PTPRM: variants seen among roughly 807,000 people sequenced by gnomAD.
PTPRM encodes the protein receptor-type tyrosine-protein phosphatase mu.
A neutral mutation model predicts 186.7 loss-of-function variants in PTPRM; 47 were observed. That is an observed-to-expected ratio of 0.25 (90% confidence interval 0.20 to 0.32). PTPRM has a LOEUF of 0.32. Among genes scored for constraint, PTPRM ranks in the 10% least tolerant of loss-of-function variants. The pLI is 1.00. For missense variants in PTPRM, 1,494 were observed against 1,865.0 expected (o/e 0.80, Z 3.66); for synonymous variants, 668 against 674.9 (o/e 0.99, Z 0.16).
intron 14 of PTPRM, among the ~76,000 whole-genome samples, chr18:8,158,905 A>G (rs888857197): frequency 6.6e-6 from 1 of 152,204 alleles, no homozygotes; most frequent in African/African-American, 2.4e-5. Flanking sequence ...TAAACCATTC[A>G]AAAGGGATCC....
At chr18:7,669,504 T>C (rs1190199380) in intron 1 of PTPRM, among the ~76,000 whole-genome samples, 1 of 152,200 alleles carries the variant, frequency 6.6e-6, no homozygotes, top group Non-Finnish European at 1.5e-5. Flanking sequence ...AAGCATGTGC[T>C]TGCCTGGGAG....
chr18:7,866,142 G>A (rs958022442), intron 2 of PTPRM, among the ~76,000 whole-genome samples: 4 of 151,900 alleles, frequency 2.6e-5, no homozygotes, highest in Non-Finnish European at 5.9e-5. Context: ...CCACCTCCTG[G>A]ATTCATTGAT....
chr18:8,212,926 T>G (rs2094027429), intron 14 of PTPRM, among the ~76,000 whole-genome samples: 2 of 152,212 alleles, frequency 1.3e-5, no homozygotes, highest in African/African-American at 4.8e-5. Context: ...ATGAACATTC[T>G]TCCTAGCCAC....
chr18:7,887,591 A>G lies in PTPRM; in HGVS notation c.197-515A>G, dbSNP rs183291270. Among the ~76,000 whole-genome samples the G allele has an allele frequency of 7.2e-5, 11 of 152,256 alleles. No homozygotes were observed. In the East Asian group the frequency reaches 2.1e-3, roughly 30 times the overall value. ...CCAATCTTTTGTCTTTCTCTAGGTTATACAGAGTGATTACTGAGTATTGCT... is the reference window on the plus strand; with the variant it reads ...CCAATCTTTTGTCTTTCTCTAGGTTGTACAGAGTGATTACTGAGTATTGCT... On this transcript the variant is annotated intron_variant, in intron 2 of 32. Coordinates refer to ENST00000580170, the MANE Select transcript of PTPRM (RefSeq NM_001105244.2).
intron 14 of PTPRM, among the ~76,000 whole-genome samples, chr18:8,229,229 G>A (rs1407505822): frequency 6.6e-6 from 1 of 152,144 alleles, no homozygotes; most frequent in Non-Finnish European, 1.5e-5. Flanking sequence ...TGTTAGAACA[G>A]AAGAGGCATA....
rs973789900 is a variant in PTPRM at position 8,313,858 on chromosome 18, A to G, written c.2843-923A>G. 5.3e-5 allele frequency among the ~76,000 whole-genome samples: 8 copies of G among 152,144 alleles called. No homozygotes were observed. The East Asian group carries it at 1.4e-3, about 26-fold the overall frequency. On this transcript the variant is annotated intron_variant, in intron 20 of 32. Transcript: ENST00000580170. ...CATACGAAGCACATCCCTTTTTAAA[A>G]TATGGATTTGGGGCCAGGTGCTGTG...
intron 1 of PTPRM, among the ~76,000 whole-genome samples, chr18:7,736,941 A>T (rs534783363): frequency 1.3e-5 from 2 of 152,186 alleles, no homozygotes; most frequent in Middle Eastern, 3.4e-3. Context: ...TTCCTTCAGG[A>T]TTACAGGCTT....
chr18:8,067,351 G>A (rs2089161166), intron 7 of PTPRM, among the ~76,000 whole-genome samples: 1 of 152,014 alleles, frequency 6.6e-6, no homozygotes, highest in African/African-American at 2.4e-5. Flanking sequence ...TACTAGTCTA[G>A]GGAAAAAAAC....
intron 13 of PTPRM, among the ~76,000 whole-genome samples, chr18:8,136,103 C>CT (rs2146004734): frequency 6.6e-6 from 1 of 152,280 alleles, no homozygotes; most frequent in South Asian, 2.1e-4. Context: ...ATTTTAATGC[C>CT]TTCAAAGTTT....
intron 14 of PTPRM, among the ~76,000 whole-genome samples, chr18:8,208,605 G>T (rs1051560177): frequency 7.3e-5 from 11 of 151,724 alleles, no homozygotes; most frequent in African/African-American, 2.7e-4. Flanking sequence ...TTGAACTCCT[G>T]GGCTCAAGTG....
chr18:7,985,284 CAT>C lies in PTPRM; in HGVS notation c.1132+29872_1132+29873del, dbSNP rs1186998657. Reference sequence around the variant, plus strand: ...ATATATACATATAATAGTATATACACATAAATATATACATATAATAGTATATA... The same window carrying C: ...ATATATACATATAATAGTATATACACAAATATATACATATAATAGTATATA... On this transcript the variant is annotated intron_variant, in intron 7 of 32. Transcript: ENST00000580170. Among the ~76,000 whole-genome samples the C allele has an allele frequency of 7.8e-5, 4 of 50,980 alleles. 2 individuals are homozygous for C. The highest frequency in any genetic ancestry group is 4.1e-4 in the African/African-American group (4 of 9,746). The allele number at this position is 50,980 out of a possible 152,430, so 33.4% of individuals were successfully genotyped here.
intron 1 of PTPRM, among the ~76,000 whole-genome samples, chr18:7,653,285 C>G (rs2038765472): frequency 6.6e-6 from 1 of 151,876 alleles, no homozygotes; most frequent in Admixed American, 6.6e-5. Context: ...TAGCTGGGAC[C>G]ACAGGCATGC....
At chr18:7,952,967 C>A (rs1399626438) in intron 6 of PTPRM, among the ~76,000 whole-genome samples, 2 of 152,204 alleles carry the variant, frequency 1.3e-5, no homozygotes, top group African/African-American at 2.4e-5. Context: ...GATGGTGCCA[C>A]TGCACTGCAG....
chr18:7,615,932 G>C (rs1004011104), intron 1 of PTPRM, among the ~76,000 whole-genome samples: 2 of 152,110 alleles, frequency 1.3e-5, no homozygotes, highest in Admixed American at 6.5e-5. Context: ...GTGCAACCTA[G>C]ATCCCCCGCA....
At chr18:7,616,936 G>A (rs1043815320) in intron 1 of PTPRM, among the ~76,000 whole-genome samples, 4 of 152,164 alleles carry the variant, frequency 2.6e-5, no homozygotes, top group African/African-American at 9.7e-5. Context: ...TGGCTGGGCT[G>A]GGGTGGGTTA....
chr18:7,626,226 C>A (rs1464541458), intron 1 of PTPRM, among the ~76,000 whole-genome samples: 2 of 152,148 alleles, frequency 1.3e-5, no homozygotes, highest in Non-Finnish European at 2.9e-5. Flanking sequence ...TTCCATATAC[C>A]ATCCAATCAG....
chr18:7,985,737 A>T (rs2082929358), intron 7 of PTPRM, among the ~76,000 whole-genome samples: 1 of 151,782 alleles, frequency 6.6e-6, no homozygotes, highest in African/African-American at 2.4e-5. Flanking sequence ...CATCTCGGAG[A>T]ATGGAGTTTC....
At chr18:8,333,286 CA>C (rs1397769699) in intron 22 of PTPRM, among the ~76,000 whole-genome samples, 2 of 152,142 alleles carry the variant, frequency 1.3e-5, no homozygotes, top group African/African-American at 4.8e-5. Flanking sequence ...CAGGGGAGAA[CA>C]AATGCAACTA....
intron 3 of PTPRM, among the ~76,000 whole-genome samples, chr18:7,891,681 C>T (rs1398630491): frequency 2.6e-5 from 4 of 151,936 alleles, no homozygotes; most frequent in Middle Eastern, 3.2e-3. Context: ...TCAGGACCAG[C>T]CTGGTCAACA....
Sources: allele counts gnomAD v4.1 joint callset (sites outside exome capture counted in the v4.1 genomes callset), GRCh38; gene constraint gnomAD v4.1.1; transcripts MANE v1.5; gene names NCBI Gene and HGNC (gene_info 2026-07-23, HGNC 2026-07-21).